The following CCDC66 variants were observed in gnomAD, a reference collection of about 807,000 sequenced individuals.
The protein encoded by CCDC66 is coiled-coil domain containing 66, also known as coiled-coil domain-containing protein 66.
Under a neutral mutation model 128.3 loss-of-function variants are expected in CCDC66, and 133 were observed. The observed-to-expected ratio is 1.04, with a 90% confidence interval of 0.90 to 1.20. The LOEUF (loss-of-function observed/expected upper bound fraction) is 1.20. CCDC66 is among the 50% of genes most tolerant of loss of function. The pLI is 0.00. For synonymous variants in CCDC66, 387 were observed against 357.0 expected, an observed-to-expected ratio of 1.08 and a Z score of -0.95; for missense variants, 1,126 against 1,075.5, an observed-to-expected ratio of 1.05 and a Z score of -0.66.
chr3:56,572,010 T>A (rs2066699020), intron 7 of CCDC66, among the ~76,000 whole-genome samples: 1 of 152,208 alleles, frequency 6.6e-6, no homozygotes. Flanking sequence ...TGTGAGCCAC[T>A]GGGCCTGGCT....
chr3:56,590,327 C>T (rs775722447), intron 7 of CCDC66, among the ~76,000 whole-genome samples: 1 of 152,208 alleles, frequency 6.6e-6, no homozygotes, highest in Non-Finnish European at 1.5e-5. Context: ...ACTTAACCAG[C>T]TGCCATTTGT....
intron 10 of CCDC66, among the ~76,000 whole-genome samples, chr3:56,596,890 G>T: frequency 6.7e-6 from 1 of 149,752 alleles, no homozygotes; most frequent in South Asian, 2.1e-4. Flanking sequence ...GAGTAGCTGG[G>T]ATTACGGGTG....
chr3:56,569,877 C>T (rs529971708), intron 6 of CCDC66: 13 of 152,304 alleles, frequency 8.5e-5, no homozygotes, highest in African/African-American at 2.9e-4. Context: ...TCTTGTTGCC[C>T]AAGCTGGAGT....
intron 15 of CCDC66, 62 bp downstream of exon 15, chr3:56,618,274 G>T: frequency 7.1e-7 from 1 of 1,403,422 alleles, no homozygotes; most frequent in Non-Finnish European, 1.0e-6. Flanking sequence ...ACAAAAAAGG[G>T]ATTCAAGATC....
chr3:56,569,870 T>G (rs911111878), intron 6 of CCDC66: 1 of 152,294 alleles, frequency 6.6e-6, no homozygotes, highest in African/African-American at 2.4e-5. Flanking sequence ...GTTTCATTCT[T>G]GTTGCCCAAG....
At chr3:56,581,190 G>T (rs1208920464) in intron 7 of CCDC66, among the ~76,000 whole-genome samples, 1 of 151,706 alleles carries the variant, frequency 6.6e-6, no homozygotes, top group Non-Finnish European at 1.5e-5. Context: ...TCTTCCACTT[G>T]ATCAAATTAG....
At chr3:56,582,568 CT>C (rs5849157) in intron 7 of CCDC66, among the ~76,000 whole-genome samples, 7,479 of 151,726 alleles carry the variant, frequency 0.049, 240 homozygotes, top group East Asian at 0.098. Context: ...AAGAATTGTT[CT>C]TTATTGGTAT....
intron 7 of CCDC66, among the ~76,000 whole-genome samples, chr3:56,588,588 G>A (rs1577608336): frequency 6.6e-6 from 1 of 152,156 alleles, no homozygotes; most frequent in South Asian, 2.1e-4. Flanking sequence ...ACCAAGTGGG[G>A]TGATGTTAAA....
At chr3:56,585,464 A>T (rs988443820) in intron 7 of CCDC66, among the ~76,000 whole-genome samples, 1 of 151,832 alleles carries the variant, frequency 6.6e-6, no homozygotes, top group Non-Finnish European at 1.5e-5. Context: ...ATCTTGAATC[A>T]TAGGCTTTCC....
chr3:56,614,013 A>G lies in CCDC66; in HGVS notation c.1566+263A>G, dbSNP rs569268915. Among the ~76,000 whole-genome samples the G allele has an allele frequency of 9.2e-5, 14 of 152,298 alleles. 1 individual carries two copies. Among genetic ancestry groups the G allele is most frequent in the Admixed American group, 1.3e-4 (2 of 15,308 alleles). ...AGCGATCCTCCCACCTCAGCCTCCT[A>G]AAGTGTTGGTATTACAGGTGTGAGC... is the stretch of plus-strand genomic sequence containing the variant. On this transcript the variant is annotated intron_variant, in intron 11 of 17. Transcript: ENST00000394672.
intron 10 of CCDC66, among the ~76,000 whole-genome samples, chr3:56,601,162 A>G (rs1413138231): frequency 6.6e-6 from 1 of 152,060 alleles, no homozygotes; most frequent in African/African-American, 2.4e-5. Context: ...AGGTGTAAGG[A>G]AGGAGTCCAG....
In CCDC66 at chr3:56,593,537, G is replaced by A; in HGVS notation, c.1115G>A (p.Ser372Asn). The A allele has an allele frequency of 6.2e-7, 1 of 1,614,170 alleles. No individual in the cohort carries two copies. Among genetic ancestry groups the A allele is most frequent in the South Asian group, 1.1e-5 (1 of 91,088 alleles). Residue 372 changes from serine to asparagine, a missense_variant, in exon 9 of 18, where the codon AGT (serine) becomes AAT (asparagine). Ser to Asn is a conservative substitution (Grantham distance 46). Transcript: ENST00000394672. ...RWAMHFDSLK[S>N]YPGSQSQLFS... Reference sequence around the variant, plus strand: ...GCAATGCACTTTGATTCATTAAAGAGTTATCCTGGTTCTCAATCTCAGCTG... The same window carrying A: ...GCAATGCACTTTGATTCATTAAAGAATTATCCTGGTTCTCAATCTCAGCTG...
intron 10 of CCDC66, among the ~76,000 whole-genome samples, chr3:56,605,665 G>A (rs1037170880): frequency 1.3e-5 from 2 of 152,138 alleles, no homozygotes; most frequent in African/African-American, 2.4e-5. Context: ...AGGGGCACCC[G>A]TCACATGCCA....
At chr3:56,558,631 G>A (rs2064692078) in intron 1 of CCDC66, 2 of 553,690 alleles carry the variant, frequency 3.6e-6, no homozygotes, top group African/African-American at 1.9e-5. Context: ...AACAATGCTT[G>A]TAGTATTGAA....
chr3:56,608,563 A>G (rs1472003953), intron 10 of CCDC66, among the ~76,000 whole-genome samples: 1 of 146,784 alleles, frequency 6.8e-6, no homozygotes, highest in Non-Finnish European at 1.5e-5. Flanking sequence ...TTATCTTTTC[A>G]AAGAACCAGC....
intron 10 of CCDC66, among the ~76,000 whole-genome samples, chr3:56,611,139 A>ATAT (rs1040063616): frequency 2.6e-5 from 4 of 151,886 alleles, no homozygotes; most frequent in Admixed American, 2.6e-4. Flanking sequence ...TCTCAAGATT[A>ATAT]TATGTCTTTT....
chr3:56,609,756 GCTC>G (rs2074544159), intron 10 of CCDC66, among the ~76,000 whole-genome samples: 2 of 152,124 alleles, frequency 1.3e-5, no homozygotes, highest in Non-Finnish European at 2.9e-5. Flanking sequence ...AAGATTTAGA[GCTC>G]CTTTTAGCAG....
At chr3:56,570,404 G>A (rs2066463648) in intron 6 of CCDC66, 1 of 152,174 alleles carries the variant, frequency 6.6e-6, no homozygotes, top group South Asian at 2.1e-4. Context: ...CCTATATTGA[G>A]ATAGGCACTA....
At position 56,563,742 on chromosome 3, in the gene CCDC66, T is replaced by A; in HGVS notation, c.161T>A (p.Leu54Gln). ...TTAAGAACAAAAACTGGGCACATTC[T>A]AAAATCAACACAAGATACTTGTATT... ...CPLRTKTGHILKSTQDTCIGS... is the reference protein window; with the variant it reads ...CPLRTKTGHIQKSTQDTCIGS... Residue 54 changes from leucine to glutamine, a missense_variant, in exon 4 of 18, where the codon CTA (leucine) becomes CAA (glutamine). By Grantham distance (113) the Leu-to-Gln change is moderately radical. Transcript: ENST00000394672. 6.4e-7 allele frequency: 1 copy of A among 1,551,608 alleles called. No homozygotes were observed. Among genetic ancestry groups the A allele is most frequent in the Non-Finnish European group, 8.7e-7 (1 of 1,146,952 alleles).
Sources: gnomAD v4.1 joint callset for allele counts (sites outside exome capture counted in the v4.1 genomes callset) on GRCh38, gnomAD v4.1.1 for gene constraint, MANE v1.5 for transcripts, NCBI Gene and HGNC (gene_info 2026-07-23, HGNC 2026-07-21) for gene names.